RBM14: variants seen among roughly 807,000 people sequenced by gnomAD.
RBM14 encodes RNA-binding protein 14.
Under a neutral mutation model 52.8 loss-of-function variants are expected in RBM14, and 5 were observed. The ratio of observed to expected loss-of-function variants is 0.09; its 90% confidence interval spans 0.05 to 0.20. The LOEUF (loss-of-function observed/expected upper bound fraction) is 0.20, where lower values mean the gene tolerates loss of function less well. Among genes scored for constraint, RBM14 ranks in the 10% least tolerant of loss-of-function variants. RBM14 has a pLI of 1.00. For synonymous variants in RBM14, 411 were observed against 401.8 expected (o/e 1.02, Z -0.28); for missense variants, 780 against 926.6 (o/e 0.84, Z 2.05).
intron 1 of RBM14, chr11:66,620,723 A>G (rs1302427784): frequency 3.3e-5 from 5 of 152,234 alleles, no homozygotes; most frequent in Non-Finnish European, 5.9e-5. Context: ...TAAGGAGGGA[A>G]ACAGACAGTG....
chr11:66,624,518 C>T lies in RBM14; in HGVS notation c.642C>T (p.Arg214=), dbSNP rs777229793. ...QPTPPFFGRD[R]SPLRRSPPRA... ...CACCACCCTTCTTTGGTCGCGACCGCAGCCCTCTGCGCCGTTCACCTCCCC... is the reference window on the plus strand; with the variant it reads ...CACCACCCTTCTTTGGTCGCGACCGTAGCCCTCTGCGCCGTTCACCTCCCC... The change falls in exon 2 of 3, where the codon CGC becomes CGT. Residue 214 remains arginine, a synonymous_variant. Coordinates refer to ENST00000310137, the MANE Select transcript of RBM14 (RefSeq NM_006328.4). This position sits in a 1 kb window ranked among gnomAD's most constrained non-coding sequence, Gnocchi z 4.7. The T allele has an allele frequency of 1.2e-6, 2 of 1,613,134 alleles. No individual in the cohort carries two copies. Among genetic ancestry groups the T allele is most frequent in the South Asian group, 1.1e-5 (1 of 91,072 alleles).
chr11:66,621,466 C>T (rs1181378730), intron 1 of RBM14, among the ~76,000 whole-genome samples: 4 of 151,966 alleles, frequency 2.6e-5, no homozygotes, highest in Non-Finnish European at 4.4e-5. Flanking sequence ...CAACCTCCGC[C>T]TCCCGGGTTA....
rs1269536444 is a variant in RBM14, at chr11:66,617,136, G to A, written c.337+79G>A. On this transcript the variant is annotated intron_variant, in intron 1 of 2. Transcript: ENST00000310137. ...TAGCCACGCCCCTTACCCGGGGGTC[G>A]GTCACTGCGCGGTTGGGAGGGGTGG... is the stretch of plus-strand genomic sequence containing the variant. The A allele has an allele frequency of 9.3e-6, 14 of 1,508,112 alleles. No homozygotes were observed. The East Asian group carries it at 3.0e-4, about 32-fold the overall frequency. The allele number at this position is 1,508,112 out of a possible 1,614,324, so 93.4% of individuals were successfully genotyped here.
chr11:66,624,893 C>T lies in RBM14; in HGVS notation c.1017C>T (p.Ala339=). ...NSYGAQGSSL[A]SYGNQPSSYG... ...ATGGGGCTCAGGGTTCCTCCCTTGC[C>T]TCCTATGGTAACCAGCCATCCTCTT... The change falls in exon 2 of 3, where the codon GCC becomes GCT. Residue 339 remains alanine (A), a synonymous_variant. Transcript: ENST00000310137. This position sits in a 1 kb window ranked among gnomAD's most constrained non-coding sequence, Gnocchi z 4.7. 1 of 1,613,958 alleles carries T rather than the reference C, an allele frequency of 6.2e-7. No individual in the cohort carries two copies. The highest frequency in any genetic ancestry group is 8.5e-7 in the Non-Finnish European group (1 of 1,179,974).
Position 66,626,539 on chromosome 11 carries a change from G to T in RBM14, c.1881G>T (p.Ser627=), listed in dbSNP as rs772850906. The part of the protein sequence containing the change: ...LSESQLSFRR[S]PTKSSLDYRR... ...AGTCGCAGCTTTCGTTCCGCCGCTC[G>T]CCGACAAAGTCCTCGCTGGATTACC... Residue 627 remains serine, a synonymous_variant, in exon 3 of 3, where the codon TCG becomes TCT. Coordinates refer to ENST00000310137, the MANE Select transcript of RBM14 (RefSeq NM_006328.4). The T allele has an allele frequency of 6.2e-7, 1 of 1,613,922 alleles. No homozygotes were observed. Among genetic ancestry groups the T allele is most frequent in the South Asian group, 1.1e-5 (1 of 91,088 alleles).
Position 66,628,408 on chromosome 11 carries a change from A to G in RBM14, c.*1740A>G, listed in dbSNP as rs183136908. ...ATCTTCTGCCTCCTTCACTGGCTTC[A>G]TGTGAACTTGCCTGTGACAGAATAT... On this transcript the variant is annotated 3_prime_UTR_variant, in exon 3 of 3. Transcript: ENST00000310137. 5.8e-4 allele frequency among the ~76,000 whole-genome samples: 88 copies of G among 152,300 alleles called. 1 individual carries two copies. The East Asian group carries it at 0.015, about 26-fold the overall frequency.
At chr11:66,626,399 T>C (rs1414133257) in intron 2 of RBM14, 62 bp from the exon 3 acceptor site, 3 of 1,498,822 alleles carry the variant, frequency 2.0e-6, no homozygotes, top group Non-Finnish European at 2.8e-6. Context: ...ATCTCCCCAA[T>C]GCCCACCTGG....
intron 1 of RBM14, 52 bp downstream of exon 1, chr11:66,617,109 G>T: frequency 6.5e-7 from 1 of 1,535,000 alleles, no homozygotes; most frequent in Non-Finnish European, 8.8e-7. Flanking sequence ...CACTCTGCCT[G>T]TTAGCCACGC....
chr11:66,620,465 C>G (rs1373041713), intron 1 of RBM14, among the ~76,000 whole-genome samples: 1 of 152,018 alleles, frequency 6.6e-6, no homozygotes, highest in Non-Finnish European at 1.5e-5. Context: ...CCACACCTGG[C>G]TAATTTTTGA....
At chr11:66,620,748 T>C (rs1859068593) in intron 1 of RBM14, 1 of 152,178 alleles carries the variant, frequency 6.6e-6, no homozygotes, top group African/African-American at 2.4e-5. Context: ...GTCCAAATGC[T>C]CTTGTAAGCC....
Position 66,626,618 on chromosome 11 carries a change from G to A in RBM14, c.1960G>A (p.Asp654Asn). ...CGCACGCTATTCGGGCTCCTATAAT[G>A]ATTACCTGCGGGCGGCTCAGATGCA... Reference protein sequence around the residue: ...DYARYSGSYNDYLRAAQMHSG... With the variant: ...DYARYSGSYNNYLRAAQMHSG... Residue 654 changes from aspartate (D) to asparagine (N), a missense_variant, in exon 3 of 3, where the codon GAT (aspartate) becomes AAT (asparagine). By Grantham distance (23) the Asp-to-Asn change is conservative. Coordinates refer to ENST00000310137, the MANE Select transcript of RBM14 (RefSeq NM_006328.4). 6.2e-7 allele frequency: 1 copy of A among 1,613,206 alleles called. No homozygotes were observed. The highest frequency in any genetic ancestry group is 8.5e-7 in the Non-Finnish European group (1 of 1,179,904).
rs755377469 is a variant in RBM14 at position 66,624,012 on chromosome 11, G to C, written c.338-202G>C. 56 of 887,600 alleles carry C rather than the reference G, an allele frequency of 6.3e-5. No homozygotes were observed. The highest frequency in any genetic ancestry group is 1.0e-4 in the Non-Finnish European group (56 of 541,096). The allele number at this position is 887,600 out of a possible 1,614,324, so 55.0% of individuals were successfully genotyped here. On this transcript the variant is annotated intron_variant, in intron 1 of 2. Transcript: ENST00000310137. This position sits in a 1 kb window ranked among gnomAD's most constrained non-coding sequence, Gnocchi z 4.7. ...TAAAGGGGAGAATGGGAAGAAGGCT[G>C]TAGGCAAAGATGACTGCTTGGGACA... is the stretch of plus-strand genomic sequence containing the variant.
rs561483786 is a variant in RBM14, at chr11:66,624,129, G to A, written c.338-85G>A. On this transcript the variant is annotated intron_variant, in intron 1 of 2. Coordinates refer to ENST00000310137, the MANE Select transcript of RBM14 (RefSeq NM_006328.4). This position sits in a 1 kb window ranked among gnomAD's most constrained non-coding sequence, Gnocchi z 4.7. Reference sequence around the variant, plus strand: ...CTTGGAGGTAGCTGGCAACAGCTGGGTGCTGTTGTGTGTCCAATTTGGGAC... The same window carrying A: ...CTTGGAGGTAGCTGGCAACAGCTGGATGCTGTTGTGTGTCCAATTTGGGAC... The A allele has an allele frequency of 1.9e-6, 3 of 1,540,628 alleles. No individual in the cohort carries two copies. In the African/African-American group the frequency reaches 4.1e-5, roughly 21 times the overall value.
Position 66,625,792 on chromosome 11 carries a change from T to A in RBM14, c.1802+114T>A. 1.2e-6 allele frequency: 1 copy of A among 817,202 alleles called. No homozygotes were observed. The highest frequency in any genetic ancestry group is 1.9e-6 in the Non-Finnish European group (1 of 532,264). 50.6% of individuals were successfully genotyped at this position (817,202 alleles called of 1,614,324 possible). A position where few individuals can be genotyped will look rare whatever the true frequency, so the allele number is the denominator to read the frequency against. On this transcript the variant is annotated intron_variant, in intron 2 of 2. Coordinates refer to ENST00000310137, the MANE Select transcript of RBM14 (RefSeq NM_006328.4). This position sits in a 1 kb window ranked among gnomAD's most constrained non-coding sequence, Gnocchi z 4.2. ...CCCTCCCTCGGTCTTCTCTTCTCTA[T>A]TTTTGTGGGATGTCCAGAGGCCGAG...
chr11:66,619,477 A>G (rs1242074392), intron 1 of RBM14: 1 of 152,200 alleles, frequency 6.6e-6, no homozygotes, highest in African/African-American at 2.4e-5. Flanking sequence ...TGAAAGACAA[A>G]AGAGGAAAAT....
rs1180715249 is a variant in RBM14, at chr11:66,625,072, C to T, written c.1196C>T (p.Ala399Val). ...TCCTCACTAGCTTATGGAGCCCAGG[C>T]AGCTTCATATAATGCCCAGCCCTCG... ...AASSLAYGAQ[A>V]ASYNAQPSAS... The change falls in exon 2 of 3, where the codon GCA (alanine) becomes GTA (valine). Residue 399 changes from alanine to valine, a missense_variant. Physicochemically the swap from Ala to Val is moderately conservative, Grantham distance 64. This residue lies in a region of RBM14 where 675 missense variants were observed against 697.3 expected (regional missense o/e 0.97). Coordinates refer to ENST00000310137, the MANE Select transcript of RBM14 (RefSeq NM_006328.4). This position sits in a 1 kb window ranked among gnomAD's most constrained non-coding sequence, Gnocchi z 4.2. 3 of 1,613,638 alleles carry T rather than the reference C, an allele frequency of 1.9e-6. No individual in the cohort carries two copies. The highest frequency in any genetic ancestry group is 1.3e-5 in the African/African-American group (1 of 74,838).
In RBM14 at chr11:66,616,807, G is replaced by T; in HGVS notation, c.87G>T (p.Met29Ile). The T allele has an allele frequency of 6.2e-7, 1 of 1,612,704 alleles. No individual in the cohort carries two copies. The highest frequency in any genetic ancestry group is 1.1e-5 in the South Asian group (1 of 91,078). Residue 29 changes from methionine (M) to isoleucine (I), a missense_variant, in exon 1 of 3, where the codon ATG becomes ATT. Physicochemically the swap from Met to Ile is conservative, Grantham distance 10. Transcript: ENST00000310137. ...AALFAPYGTVMSCAVMKQFAF... is the reference protein window; with the variant it reads ...AALFAPYGTVISCAVMKQFAF... ...TCTTTGCGCCCTACGGCACGGTCAT[G>T]AGCTGCGCCGTCATGAAACAGTTCG...
At chr11:66,626,404 A>G (rs895114950) in intron 2 of RBM14, 57 bp from the exon 3 acceptor site, 1 of 1,524,100 alleles carries the variant, frequency 6.6e-7, no homozygotes, top group Admixed American at 1.7e-5. Context: ...CCCAATGCCC[A>G]CCTGGAGTCC....
rs766334959 is a variant in RBM14 at position 66,625,520 on chromosome 11, C to T, written c.1644C>T (p.Tyr548=). The part of the protein sequence containing the change: ...ASYRGQPGNA[Y]DGAGQPSAAY... ...ACCGCGGCCAGCCAGGCAATGCCTACGATGGGGCAGGTCAGCCGTCTGCAG... is the reference window on the plus strand; with the variant it reads ...ACCGCGGCCAGCCAGGCAATGCCTATGATGGGGCAGGTCAGCCGTCTGCAG... The change falls in exon 2 of 3, where the codon TAC becomes TAT. Residue 548 remains tyrosine, a synonymous_variant. Coordinates refer to ENST00000310137, the MANE Select transcript of RBM14 (RefSeq NM_006328.4). This position sits in a 1 kb window ranked among gnomAD's most constrained non-coding sequence, Gnocchi z 4.2. 7.4e-6 allele frequency: 12 copies of T among 1,612,658 alleles called. No individual in the cohort carries two copies. The highest frequency in any genetic ancestry group is 2.2e-5 in the East Asian group (1 of 44,852).
Sources: gnomAD v4.1 joint callset for allele counts (sites outside exome capture counted in the v4.1 genomes callset) on GRCh38, gnomAD v4.1.1 for gene constraint, gnomAD v4.1.1 regional missense constraint, Gnocchi (gnomAD v3.1) non-coding constraint, MANE v1.5 for transcripts, NCBI Gene and HGNC (gene_info 2026-07-23, HGNC 2026-07-21) for gene names.